The following MID1 variants were observed in gnomAD, a reference collection of about 807,000 sequenced individuals.
MID1 encodes the protein E3 ubiquitin-protein ligase Midline-1.
A neutral mutation model predicts 40.4 loss-of-function variants in MID1; 7 were observed. The observed-to-expected ratio is 0.17, with a 90% CI of 0.10 to 0.33. MID1 has a LOEUF of 0.33. MID1 is among the 10% of genes least tolerant of loss of function. The pLI is 1.00. For synonymous variants in MID1, 229 were observed against 221.2 expected (o/e 1.04, Z -0.31); for missense variants, 367 against 558.5 (o/e 0.66, Z 3.46).
chrX:10,786,217 A>G (rs1175136316), intron 1 of MID1, among the ~76,000 whole-genome samples: 1 of 112,134 alleles, frequency 8.9e-6, no homozygotes, highest in African/African-American at 3.2e-5. Flanking sequence ...ACATGAAAAA[A>G]TGCTCATCAT....
chrX:10,708,539 C>G (rs1238219891), intron 1 of MID1, among the ~76,000 whole-genome samples: 1 of 111,159 alleles, frequency 9.0e-6, no homozygotes, highest in Non-Finnish European at 1.9e-5. Flanking sequence ...TCTAGGGTCT[C>G]TGAGCTAAGC....
chrX:10,684,346 GCTTTCTCTCTTTCTTT>G (rs201136519), intron 1 of MID1, among the ~76,000 whole-genome samples: 1,841 of 107,988 alleles, frequency 0.017, 14 homozygotes, highest in African/African-American at 0.026. Context: ...TTGCTTGCTT[GCTTTCTCTCTTTCTTT>G]CTTTCTCTCT....
intron 1 of MID1, among the ~76,000 whole-genome samples, chrX:10,666,648 G>A (rs895497818): frequency 9.0e-6 from 1 of 111,706 alleles, no homozygotes; most frequent in Admixed American, 9.5e-5. Flanking sequence ...CACAATTAAA[G>A]GGGGTGTGGG....
chrX:10,762,124 T>A (rs1222241696), intron 1 of MID1, among the ~76,000 whole-genome samples: 1 of 112,186 alleles, frequency 8.9e-6, no homozygotes, highest in Non-Finnish European at 1.9e-5. Context: ...ACCCAGCATA[T>A]GGCAGAACAA....
chrX:10,813,842 G>C (rs2044118192), intron 1 of MID1, among the ~76,000 whole-genome samples: 1 of 111,532 alleles, frequency 9.0e-6, no homozygotes, highest in South Asian at 3.8e-4. Flanking sequence ...AAAATTCTGG[G>C]AAATTATCCC....
chrX:10,609,090 AT>A (rs1385478934), intron 1 of MID1, among the ~76,000 whole-genome samples: 2 of 111,860 alleles, frequency 1.8e-5, no homozygotes, highest in Non-Finnish European at 3.8e-5. Flanking sequence ...AAAAGGGTAC[AT>A]TTTTAGCAAC....
At chrX:10,782,479 T>A (rs1345825882) in intron 1 of MID1, among the ~76,000 whole-genome samples, 2 of 111,749 alleles carry the variant, frequency 1.8e-5, no homozygotes, top group African/African-American at 6.5e-5. Flanking sequence ...ACCAACAGCA[T>A]GAAGTGCAGG....
chrX:10,541,647 A>G (rs1933472846), intron 2 of MID1, among the ~76,000 whole-genome samples: 1 of 111,747 alleles, frequency 8.9e-6, no homozygotes, highest in South Asian at 3.7e-4. Context: ...ACTTTGTAGT[A>G]GAGAAAAAGT....
chrX:10,790,540 G>A (rs887604336), intron 1 of MID1, among the ~76,000 whole-genome samples: 1 of 110,315 alleles, frequency 9.1e-6, no homozygotes, highest in Admixed American at 9.8e-5. Flanking sequence ...ATTTTCATCC[G>A]CTTTCCTACT....
chrX:10,579,956 T>C (rs923416181), intron 1 of MID1, among the ~76,000 whole-genome samples: 5 of 110,491 alleles, frequency 4.5e-5, no homozygotes, highest in Non-Finnish European at 9.5e-5. Flanking sequence ...GCGTCGGGAC[T>C]GTGTGTCTGT....
At chrX:10,753,657 A>T (rs1455095678) in intron 1 of MID1, among the ~76,000 whole-genome samples, 1 of 111,816 alleles carries the variant, frequency 8.9e-6, no homozygotes, top group Non-Finnish European at 1.9e-5. Context: ...GCTCAAAAAA[A>T]TTTTAAAAAT....
In MID1 at chrX:10,752,834, A is replaced by T. The variant is rs1215710123; in HGVS notation, c.-187+80720T>A. On this transcript the variant is annotated intron_variant, in intron 1 of 10. Transcript: ENST00000380785. ...CTTTTCTAATTTCAAGTTATAACAC[A>T]TCTGAAATTAACTTGCCCAGTTACA... 8.0e-5 allele frequency among the ~76,000 whole-genome samples: 9 copies of T among 112,110 alleles called. No individual in the cohort carries two copies. The East Asian group carries it at 2.2e-3, about 28-fold the overall frequency.
intron 1 of MID1, among the ~76,000 whole-genome samples, chrX:10,680,639 C>G (rs1352725196): frequency 9.0e-6 from 1 of 111,172 alleles, no homozygotes; most frequent in African/African-American, 3.3e-5. Context: ...TATTTGTGAA[C>G]TACTAAACTA....
At chrX:10,799,805 C>G (rs1428279866) in intron 1 of MID1, among the ~76,000 whole-genome samples, 2 of 111,769 alleles carry the variant, frequency 1.8e-5, no homozygotes, top group Non-Finnish European at 3.8e-5. Flanking sequence ...TATTTTTATT[C>G]CCATATTTCC....
intron 1 of MID1, among the ~76,000 whole-genome samples, chrX:10,636,784 G>GTATATATATATATATATATATATA (rs1198448070): frequency 2.5e-4 from 3 of 12,157 alleles, no homozygotes; most frequent in African/African-American, 1.3e-3. Flanking sequence ...CCAACAATGG[G>GTATATATATATATATATATATATA]GATATATATA....
intron 1 of MID1, among the ~76,000 whole-genome samples, chrX:10,736,040 C>G (rs778035466): frequency 1.2e-4 from 13 of 112,357 alleles, no homozygotes; most frequent in African/African-American, 4.2e-4. Context: ...AATCAGTTGT[C>G]AAAGAGTTAG....
rs2043927441 is a variant in MID1, at chrX:10,791,118, G to A, written c.-187+42436C>T. Among the ~76,000 whole-genome samples the A allele has an allele frequency of 3.6e-5, 4 of 112,630 alleles. No homozygotes were observed. In the South Asian group the frequency reaches 1.5e-3, roughly 42 times the overall value. On this transcript the variant is annotated intron_variant, in intron 1 of 10. Transcript: ENST00000380785. ...GGTGAATACAACAGCATATATGAAG[G>A]AAAATTCTTGAAGTTTTAAGTGCAC... is the stretch of plus-strand genomic sequence containing the variant.
At chrX:10,589,901 A>G (rs1935245235) in intron 1 of MID1, 1 of 109,442 alleles carries the variant, frequency 9.1e-6, no homozygotes, top group Non-Finnish European at 1.9e-5. Context: ...CGAGATAAAG[A>G]AGAAAGGGGT....
intron 2 of MID1, among the ~76,000 whole-genome samples, chrX:10,532,097 C>T (rs1311214541): frequency 2.7e-5 from 3 of 112,100 alleles, no homozygotes; most frequent in African/African-American, 9.7e-5. Flanking sequence ...TGTGGATGGT[C>T]CAATTGGGCA....
Sources: gnomAD v4.1 joint callset for allele counts (sites outside exome capture counted in the v4.1 genomes callset) on GRCh38, gnomAD v4.1.1 for gene constraint, MANE v1.5 for transcripts, NCBI Gene and HGNC (gene_info 2026-07-23, HGNC 2026-07-21) for gene names.